The following BICRA variants were observed in gnomAD, a reference collection of about 807,000 sequenced individuals.
BICRA encodes BRD4 interacting chromatin remodeling complex associated protein, also known as BRD4-interacting chromatin-remodeling complex-associated protein.
BICRA carries 31 observed loss-of-function variants against 96.9 expected under a neutral mutation model. The ratio of observed to expected loss-of-function variants is 0.32; its 90% CI spans 0.24 to 0.43. The LOEUF is 0.43. Ranked by LOEUF, BICRA falls within the 20% of genes least tolerant of loss-of-function variation. BICRA has a pLI of 1.00. For missense variants in BICRA, 2,283 were observed against 2,190.3 expected (o/e 1.04, Z -0.84); for synonymous variants, 1,350 against 1,071.8 (o/e 1.26, Z -5.07).
intron 1 of BICRA, among the ~76,000 whole-genome samples, chr19:47,642,978 C>A (rs181733418): frequency 2.2e-4 from 33 of 152,276 alleles, no homozygotes; most frequent in Non-Finnish European, 4.0e-4. Flanking sequence ...TAAATTGGAT[C>A]ATTTGTTGTC....
At position 47,634,862 on chromosome 19, in the gene BICRA, A is replaced by G. The variant is rs552507224; in HGVS notation, c.-108+25694A>G. ...ACTGCAAGCTCTGCTTCCCGGGTTT[A>G]CGCCATTCTCCTCCCTCAGCCTCCT... On this transcript the variant is annotated intron_variant, in intron 1 of 14. Coordinates refer to ENST00000594866, the MANE Select transcript of BICRA (RefSeq NM_001394372.1). Among the ~76,000 whole-genome samples, 14 of 135,858 alleles carry G rather than the reference A, an allele frequency of 1.0e-4. 1 individual carries two copies. The South Asian group carries it at 3.1e-3, about 30-fold the overall frequency. The allele number at this position is 135,858 out of a possible 152,430, so 89.1% of individuals were successfully genotyped here. A position where few individuals can be genotyped will look rare whatever the true frequency, so the allele number is the denominator to read the frequency against.
chr19:47,654,766 A>G (rs983786063), intron 1 of BICRA, among the ~76,000 whole-genome samples: 9 of 150,136 alleles, frequency 6.0e-5, no homozygotes, highest in African/African-American at 2.2e-4. Context: ...CAGCCTGGGC[A>G]ACATAGCAAG....
At chr19:47,683,056 A>G (rs1291784972) in intron 7 of BICRA, among the ~76,000 whole-genome samples, 1 of 152,094 alleles carries the variant, frequency 6.6e-6, no homozygotes, top group Admixed American at 6.6e-5. Context: ...AATTGTTGTT[A>G]GGTTTTTAGG....
intron 1 of BICRA, among the ~76,000 whole-genome samples, chr19:47,613,217 T>TGCATACA (rs1971935206): frequency 6.6e-6 from 1 of 151,932 alleles, no homozygotes; most frequent in Non-Finnish European, 1.5e-5. Context: ...CCTGGGGGTG[T>TGCATACA]ATAAGGCTCC....
Position 47,679,566 on chromosome 19 carries a change from C to T in BICRA, c.396C>T (p.Pro132=). 1 of 1,544,780 alleles carries T rather than the reference C, an allele frequency of 6.5e-7. No homozygotes were observed. The highest frequency in any genetic ancestry group is 1.4e-5 in the African/African-American group (1 of 72,784). Residue 132 remains proline (P), a synonymous_variant, in exon 6 of 15, where the codon CCC becomes CCT. Coordinates refer to ENST00000594866, the MANE Select transcript of BICRA (RefSeq NM_001394372.1). ...TGGACCTGGGTCCCTTCCAGCTGCC[C>T]ACCCTGCAGCCTGCGGATGGCGGGG... ...AELDLGPFQL[P]TLQPADGGAG... is the part of the protein sequence containing the mutation.
At chr19:47,637,265 G>A (rs1972313463) in intron 1 of BICRA, among the ~76,000 whole-genome samples, 2 of 151,308 alleles carry the variant, frequency 1.3e-5, no homozygotes, top group Non-Finnish European at 2.9e-5. Context: ...GACTACAGGC[G>A]CCCGCCACCA....
intron 1 of BICRA, among the ~76,000 whole-genome samples, chr19:47,648,675 T>G (rs6509330): frequency 0.23 from 34,303 of 148,984 alleles, 4,220 homozygotes; most frequent in Middle Eastern, 0.3. Flanking sequence ...AGTTTTTTTT[T>G]TTTGTTTGTT....
intron 1 of BICRA, among the ~76,000 whole-genome samples, chr19:47,645,368 C>T (rs2123540805): frequency 6.6e-6 from 1 of 152,306 alleles, no homozygotes; most frequent in South Asian, 2.1e-4. Flanking sequence ...TTTCCAGAGC[C>T]TGTGTTCTTA....
chr19:47,679,285 C>G, intron 5 of BICRA, 36 bp from the exon 6 acceptor site: 42 of 1,410,286 alleles, frequency 3.0e-5, no homozygotes, highest in South Asian at 6.6e-5. Flanking sequence ...CCTTGCTAAC[C>G]TCAGCTCTTT....
chr19:47,687,342 A>G (rs1973174564), intron 7 of BICRA, among the ~76,000 whole-genome samples: 2 of 152,200 alleles, frequency 1.3e-5, no homozygotes, highest in African/African-American at 2.4e-5. Context: ...CTGTTTAAAA[A>G]TGTAAAAATT....
rs916033518 is a variant in BICRA at position 47,701,864 on chromosome 19, A to G, written c.4132A>G (p.Thr1378Ala). Residue 1378 changes from threonine to alanine, a missense_variant, in exon 15 of 15, where the codon ACC becomes GCC. Physicochemically the swap from Thr to Ala is moderately conservative, Grantham distance 58. Coordinates refer to ENST00000594866, the MANE Select transcript of BICRA (RefSeq NM_001394372.1). The surrounding 1 kb of genome is among the most constrained non-coding windows in gnomAD (Gnocchi z 5.4). ...PAAPERKPLG[T>A]APHCPRLPLR... is the part of the protein sequence containing the mutation. Reference sequence around the variant, plus strand: ...CGCCCCCGAGCGCAAGCCCCTGGGCACCGCCCCGCACTGCCCGCGCCTGCC... The same window carrying G: ...CGCCCCCGAGCGCAAGCCCCTGGGCGCCGCCCCGCACTGCCCGCGCCTGCC... 1.4e-6 allele frequency: 2 copies of G among 1,478,476 alleles called. No individual in the cohort carries two copies. The highest frequency in any genetic ancestry group is 1.3e-5 in the South Asian group (1 of 79,278). 91.6% of individuals were successfully genotyped at this position (1,478,476 alleles called of 1,614,324 possible).
chr19:47,685,653 G>C (rs1340392181), intron 7 of BICRA, among the ~76,000 whole-genome samples: 1 of 151,924 alleles, frequency 6.6e-6, no homozygotes, highest in Non-Finnish European at 1.5e-5. Flanking sequence ...CTGTTTGTAA[G>C]AATAGTGGTT....
intron 7 of BICRA, among the ~76,000 whole-genome samples, chr19:47,685,091 T>C (rs933637561): frequency 2.0e-5 from 3 of 151,876 alleles, no homozygotes; most frequent in Non-Finnish European, 2.9e-5. Flanking sequence ...CACCTCAGCC[T>C]CCGAAGTAGC....
At chr19:47,649,284 C>G (rs1490869123) in intron 1 of BICRA, among the ~76,000 whole-genome samples, 1 of 152,156 alleles carries the variant, frequency 6.6e-6, no homozygotes, top group African/African-American at 2.4e-5. Context: ...CTGTGCCTGG[C>G]CTGTATGTTA....
At chr19:47,611,807 T>G (rs1021422267) in intron 1 of BICRA, among the ~76,000 whole-genome samples, 1 of 152,158 alleles carries the variant, frequency 6.6e-6, no homozygotes, top group African/African-American at 2.4e-5. Context: ...GTCATTCATA[T>G]TTATCATTCA....
intron 5 of BICRA, 140 bp downstream of exon 5, chr19:47,676,056 T>G: frequency 1.4e-4 from 77 of 567,704 alleles, no homozygotes; most frequent in East Asian, 2.0e-4. Context: ...CCACCCAGGG[T>G]GGCTGGACCA....
chr19:47,650,634 AG>A (rs1568557768), intron 1 of BICRA, among the ~76,000 whole-genome samples: 1 of 152,122 alleles, frequency 6.6e-6, no homozygotes, highest in East Asian at 1.9e-4. Flanking sequence ...TTGCTCTGAG[AG>A]GGAGGTGTGG....
Position 47,702,139 on chromosome 19 carries a change from GC to G in BICRA, c.4412del (p.Pro1471LeufsTer39). 1.9e-6 allele frequency: 3 copies of G among 1,545,466 alleles called. No individual in the cohort carries two copies. Among genetic ancestry groups the G allele is most frequent in the South Asian group, 1.2e-5 (1 of 84,414 alleles). ...ACCCCGACTGGGAGGCGCCCGGGCTGCCCCCTGCCAAGCGGCGCAAGTCCGA... is the reference window on the plus strand; with the variant it reads ...ACCCCGACTGGGAGGCGCCCGGGCTGCCCCTGCCAAGCGGCGCAAGTCCGA... ...GDPDWEAPGL[P>X]PAKRRKSESP... On this transcript the variant is annotated frameshift_variant, in exon 15 of 15. Coordinates refer to ENST00000594866, the MANE Select transcript of BICRA (RefSeq NM_001394372.1). LOFTEE classifies it high-confidence loss of function.
rs934683185 is a variant in BICRA at position 47,694,254 on chromosome 19, A to G, written c.2423A>G (p.Gln808Arg). ...CCTTCCCGCCCACCCTCCCGGCCAC[A>G]GAGTGTGTCCCGCCCTCCCTCAGAG... ...RPPSRPPSRP[Q>R]SVSRPPSEPP... Residue 808 changes from glutamine (Q) to arginine (R), a missense_variant, in exon 8 of 15, where the codon CAG (glutamine) becomes CGG (arginine). Gln to Arg is a conservative substitution (Grantham distance 43). Coordinates refer to ENST00000594866, the MANE Select transcript of BICRA (RefSeq NM_001394372.1). 3 of 394,576 alleles carry G rather than the reference A, an allele frequency of 7.6e-6. No homozygotes were observed. Among genetic ancestry groups the G allele is most frequent in the Admixed American group, 6.3e-5 (1 of 15,910 alleles). The allele number at this position is 394,576 out of a possible 1,614,324, so 24.4% of individuals were successfully genotyped here.
Sources: gnomAD v4.1 joint callset for allele counts (sites outside exome capture counted in the v4.1 genomes callset) on GRCh38, gnomAD v4.1.1 for gene constraint, Gnocchi (gnomAD v3.1) non-coding constraint, MANE v1.5 for transcripts, NCBI Gene and HGNC (gene_info 2026-07-23, HGNC 2026-07-21) for gene names.